THOC1: variants seen among roughly 807,000 people sequenced by gnomAD.
THOC1 encodes THO complex 1.
A neutral mutation model predicts 97.3 loss-of-function variants in THOC1; 29 were observed. That is an observed-to-expected ratio of 0.30 (90% CI 0.22 to 0.41). The LOEUF is 0.41. THOC1 is among the 10% of genes least tolerant of loss of function. The pLI is 1.00. For missense variants in THOC1, 529 were observed against 761.9 expected (o/e 0.69, Z 3.60); for synonymous variants, 255 against 257.0 (o/e 0.99, Z 0.07).
Position 214,618 on chromosome 18 carries a change from A to G in THOC1, c.*8T>C. 6.3e-7 allele frequency: 1 copy of G among 1,584,508 alleles called. No individual in the cohort carries two copies. Among genetic ancestry groups the G allele is most frequent in the Non-Finnish European group, 8.6e-7 (1 of 1,167,306 alleles). ...TCACAGTTTTAATAAAAAGAAAAAA[A>G]AAAGAAGCTAACTATTTGTCTCATT... On this transcript the variant is annotated 3_prime_UTR_variant, in exon 21 of 21. Coordinates refer to ENST00000261600, the MANE Select transcript of THOC1 (RefSeq NM_005131.3).
rs561068824 is a variant in THOC1, at chr18:231,195, C to T, written c.919-4294G>A. On this transcript the variant is annotated intron_variant, in intron 11 of 20. Transcript: ENST00000261600. ...AACTCCTAGGCCCAAGTGATCCTCC[C>T]GCCCTGGTCTCCTAAATAGCTGGAA... is the stretch of plus-strand genomic sequence containing the variant. Among the ~76,000 whole-genome samples the T allele has an allele frequency of 6.4e-4, 97 of 152,286 alleles. 2 individuals are homozygous for T. The highest frequency in any genetic ancestry group is 2.1e-3 in the East Asian group (11 of 5,190).
intron 17 of THOC1, among the ~76,000 whole-genome samples, chr18:223,157 C>T (rs551401021): frequency 9.1e-4 from 139 of 152,216 alleles, no homozygotes; most frequent in Middle Eastern, 3.4e-3. Flanking sequence ...TCAAAGCTGG[C>T]AATCATTAGT....
chr18:265,829 T>A (rs1337634129), intron 1 of THOC1, among the ~76,000 whole-genome samples: 1 of 152,138 alleles, frequency 6.6e-6, no homozygotes, highest in Non-Finnish European at 1.5e-5. Flanking sequence ...AATCTCCATA[T>A]GGCTCCTTAT....
At chr18:251,565 GA>G (rs138239960) in intron 9 of THOC1, among the ~76,000 whole-genome samples, 5 of 150,874 alleles carry the variant, frequency 3.3e-5, no homozygotes, top group South Asian at 2.1e-4. Flanking sequence ...ACGTTGATGA[GA>G]AAAAAAAAAT....
chr18:225,560 A>G, intron 12 of THOC1, 157 bp from the exon 13 acceptor site: 1 of 630,266 alleles, frequency 1.6e-6, no homozygotes, highest in Non-Finnish European at 2.7e-6. Context: ...ATTATAAGAG[A>G]AAATTCTTGC....
At position 258,823 on chromosome 18, in the gene THOC1, GA is replaced by G. The variant is rs930519892; in HGVS notation, c.520+356del. Among the ~76,000 whole-genome samples, 20 of 152,134 alleles carry G rather than the reference GA, an allele frequency of 1.3e-4. No homozygotes were observed. The South Asian group carries it at 3.3e-3, about 25-fold the overall frequency. On this transcript the variant is annotated intron_variant, in intron 7 of 20. Transcript: ENST00000261600. ...ACAATAAAAATTTGTTAAAAAAAGA[GA>G]AATGAAAGGAAGTCTATATAGCTAA...
intron 18 of THOC1, among the ~76,000 whole-genome samples, chr18:217,050 G>A (rs1346181331): frequency 6.6e-6 from 1 of 152,210 alleles, no homozygotes; most frequent in African/African-American, 2.4e-5. Context: ...ATACCATCAG[G>A]TGAGAAACAA....
chr18:255,703 G>C (rs1331892788), intron 7 of THOC1, among the ~76,000 whole-genome samples: 1 of 152,240 alleles, frequency 6.6e-6, no homozygotes, highest in Non-Finnish European at 1.5e-5. Flanking sequence ...TTTCAATGCA[G>C]ATGAAACATT....
At chr18:239,170 C>T (rs1174595985) in intron 11 of THOC1, among the ~76,000 whole-genome samples, 2 of 152,112 alleles carry the variant, frequency 1.3e-5, no homozygotes, top group African/African-American at 4.8e-5. Context: ...TATGAATTTA[C>T]AGAATATTCT....
intron 11 of THOC1, among the ~76,000 whole-genome samples, chr18:241,106 C>A (rs541075794): frequency 4.6e-5 from 7 of 152,224 alleles, no homozygotes; most frequent in African/African-American, 1.7e-4. Flanking sequence ...TCACCTCCTG[C>A]TGTGCAACCC....
intron 11 of THOC1, among the ~76,000 whole-genome samples, chr18:239,299 ATTTAT>A (rs945657795): frequency 4.6e-5 from 7 of 152,134 alleles, no homozygotes; most frequent in Admixed American, 2.0e-4. Flanking sequence ...CGATACTTTT[ATTTAT>A]TTTATTTATT....
intron 9 of THOC1, among the ~76,000 whole-genome samples, chr18:249,696 T>C (rs1285197212): frequency 2.0e-5 from 3 of 149,808 alleles, no homozygotes; most frequent in African/African-American, 4.9e-5. Flanking sequence ...AAAAAGAACA[T>C]TCCCTAAAAC....
Position 255,268 on chromosome 18 carries a change from G to A in THOC1, c.521-913C>T, listed in dbSNP as rs578053750. ...TACATGATTAAGCTTAGTAATTAAG[G>A]CATGTCAAAAGCCACGACAGGCTGA... is the stretch of plus-strand genomic sequence containing the variant. On this transcript the variant is annotated intron_variant, in intron 7 of 20. Coordinates refer to ENST00000261600, the MANE Select transcript of THOC1 (RefSeq NM_005131.3). Among the ~76,000 whole-genome samples the A allele has an allele frequency of 3.9e-5, 6 of 152,268 alleles. No individual in the cohort carries two copies. In the South Asian group the frequency reaches 8.3e-4, roughly 21 times the overall value.
rs1911946147 is a variant in THOC1 at position 242,581 on chromosome 18, TAC to T, written c.918+3741_918+3742del. ...CCATTGGATGGGGTCACGGCTCTATTACAGAGATGAAAGATCTAACCTTGTAA... is the reference window on the plus strand; with the variant it reads ...CCATTGGATGGGGTCACGGCTCTATTAGAGATGAAAGATCTAACCTTGTAA... On this transcript the variant is annotated intron_variant, in intron 11 of 20. Transcript: ENST00000261600. The surrounding 1 kb of genome is among the most constrained non-coding windows in gnomAD (Gnocchi z 4.5). 6.6e-6 allele frequency among the ~76,000 whole-genome samples: 1 copy of T among 152,236 alleles called. No homozygotes were observed. The highest frequency in any genetic ancestry group is 2.4e-5 in the African/African-American group (1 of 41,466).
At chr18:225,310 C>T in intron 13 of THOC1, 27 bp downstream of exon 13, 1 of 1,609,234 alleles carries the variant, frequency 6.2e-7, no homozygotes, top group Non-Finnish European at 8.5e-7. Context: ...TTTTTTCAAT[C>T]ATGGGTTTGT....
At chr18:240,124 T>C (rs1040841421) in intron 11 of THOC1, among the ~76,000 whole-genome samples, 2 of 152,244 alleles carry the variant, frequency 1.3e-5, no homozygotes, top group Non-Finnish European at 2.9e-5. Flanking sequence ...TCTATTACTT[T>C]GGCTAATAAG....
chr18:215,366 T>TATCA (rs1456441747), intron 20 of THOC1, 63 bp downstream of exon 20: 1 of 1,220,350 alleles, frequency 8.2e-7, no homozygotes, highest in Non-Finnish European at 1.2e-6. Flanking sequence ...ATAATGTACC[T>TATCA]ATCAACAAAG....
chr18:258,488 A>G (rs776316367), intron 7 of THOC1, among the ~76,000 whole-genome samples: 10 of 152,200 alleles, frequency 6.6e-5, no homozygotes, highest in Non-Finnish European at 1.5e-4. Flanking sequence ...GATGACAAAA[A>G]GAAAGCACAT....
At chr18:264,477 A>C (rs182107799) in intron 3 of THOC1, among the ~76,000 whole-genome samples, 2 of 152,340 alleles carry the variant, frequency 1.3e-5, no homozygotes, top group South Asian at 2.1e-4. Context: ...GGTGGTTTTA[A>C]TAGAAGGAAG....
Sources: gnomAD v4.1 joint callset for allele counts (sites outside exome capture counted in the v4.1 genomes callset) on GRCh38, gnomAD v4.1.1 for gene constraint, Gnocchi (gnomAD v3.1) non-coding constraint, MANE v1.5 for transcripts, NCBI Gene and HGNC (gene_info 2026-07-23, HGNC 2026-07-21) for gene names.